The following ADAMTSL1 variants were observed in gnomAD, a reference collection of about 807,000 sequenced individuals.
ADAMTSL1 encodes ADAMTS-like protein 1.
In ADAMTSL1, 126 loss-of-function variants were observed where a neutral mutation model predicts 201.8. The ratio of observed to expected loss-of-function variants is 0.62; its 90% CI spans 0.54 to 0.72. The LOEUF (loss-of-function observed/expected upper bound fraction) is 0.72. Ranked by LOEUF, ADAMTSL1 falls within the 30% of genes least tolerant of loss-of-function variation. The pLI, the probability that ADAMTSL1 is intolerant of heterozygous loss-of-function variation, is 0.00. For synonymous variants in ADAMTSL1, 1,121 were observed against 903.4 expected (o/e 1.24, Z -4.32); for missense variants, 2,679 against 2,277.8 (o/e 1.18, Z -3.59).
intron 2 of ADAMTSL1, among the ~76,000 whole-genome samples, chr9:18,219,348 TTTA>T (rs1377074989): frequency 2.2e-4 from 12 of 53,498 alleles, no homozygotes; most frequent in African/African-American, 1.1e-3. Flanking sequence ...TTTATTTTTA[TTTA>T]TTTATTTATT....
chr9:18,526,863 TA>T (rs1333222752), intron 2 of ADAMTSL1, among the ~76,000 whole-genome samples: 1 of 152,180 alleles, frequency 6.6e-6, no homozygotes, highest in Non-Finnish European at 1.5e-5. Context: ...TGTTCTAATC[TA>T]TGGTCGCTCT....
chr9:18,365,667 A>T (rs931077576), intron 2 of ADAMTSL1, among the ~76,000 whole-genome samples: 11 of 152,156 alleles, frequency 7.2e-5, no homozygotes, highest in Non-Finnish European at 1.0e-4. Context: ...GGAGATCCTA[A>T]AGTGGAAAAG....
intron 1 of ADAMTSL1, among the ~76,000 whole-genome samples, chr9:18,483,707 G>T (rs1437789464): frequency 6.6e-6 from 1 of 152,082 alleles, no homozygotes; most frequent in Admixed American, 6.6e-5. Context: ...GGTGCCTGTA[G>T]TCCCAGCTAC....
At chr9:18,182,534 G>T (rs1281204615) in intron 2 of ADAMTSL1, among the ~76,000 whole-genome samples, 1 of 152,158 alleles carries the variant, frequency 6.6e-6, no homozygotes, top group Non-Finnish European at 1.5e-5. Flanking sequence ...GTTTATATAA[G>T]GAGAAATGCT....
chr9:18,825,538 G>A (rs1448952982), intron 21 of ADAMTSL1, among the ~76,000 whole-genome samples: 1 of 152,074 alleles, frequency 6.6e-6, no homozygotes, highest in African/African-American at 2.4e-5. Flanking sequence ...GCTTCCATTT[G>A]TCTAGTTCAT....
At chr9:18,076,657 C>G (rs1001413349) in intron 1 of ADAMTSL1, among the ~76,000 whole-genome samples, 1 of 152,138 alleles carries the variant, frequency 6.6e-6, no homozygotes, top group Non-Finnish European at 1.5e-5. Context: ...GGGGAATGTA[C>G]AAGCAGCTAA....
intron 2 of ADAMTSL1, among the ~76,000 whole-genome samples, chr9:18,287,575 A>C (rs947930902): frequency 1.3e-5 from 2 of 148,172 alleles, no homozygotes; most frequent in African/African-American, 2.6e-5. Flanking sequence ...ACATATATGT[A>C]AATATATGTG....
chr9:18,409,383 C>CAAAAAAAAAAA (rs781106126), intron 2 of ADAMTSL1, among the ~76,000 whole-genome samples: 91 of 76,862 alleles, frequency 1.2e-3, no homozygotes, highest in Middle Eastern at 7.4e-3. Flanking sequence ...AACTCCGTCT[C>CAAAAAAAAAAA]AAAAAAAAAA....
intron 2 of ADAMTSL1, among the ~76,000 whole-genome samples, chr9:18,183,872 A>T (rs551834691): frequency 1.3e-5 from 2 of 152,190 alleles, no homozygotes; most frequent in African/African-American, 4.8e-5. Flanking sequence ...TTGAATTTGC[A>T]CTGAGAAATT....
chr9:18,738,237 G>A (rs957778030), intron 15 of ADAMTSL1, among the ~76,000 whole-genome samples: 6 of 152,104 alleles, frequency 3.9e-5, no homozygotes, highest in Non-Finnish European at 7.4e-5. Flanking sequence ...GAGAAGTTTT[G>A]CGTTTTCTCT....
intron 20 of ADAMTSL1, among the ~76,000 whole-genome samples, chr9:18,804,992 T>C (rs1823016619): frequency 6.6e-6 from 1 of 152,270 alleles, no homozygotes. Flanking sequence ...TACTCAAATA[T>C]TGCTGTATAC....
intron 2 of ADAMTSL1, among the ~76,000 whole-genome samples, chr9:18,262,615 G>T (rs1011194917): frequency 6.6e-6 from 1 of 152,070 alleles, no homozygotes; most frequent in African/African-American, 2.4e-5. Context: ...GGGAAAAATG[G>T]GATGGTTTGG....
chr9:18,230,232 T>G (rs1003122782), intron 2 of ADAMTSL1, among the ~76,000 whole-genome samples: 1 of 152,194 alleles, frequency 6.6e-6, no homozygotes, highest in Non-Finnish European at 1.5e-5. Flanking sequence ...ACTCATCATA[T>G]GCACACATGC....
intron 1 of ADAMTSL1, among the ~76,000 whole-genome samples, chr9:17,954,591 A>T (rs921943053): frequency 6.6e-6 from 1 of 152,130 alleles, no homozygotes; most frequent in Non-Finnish European, 1.5e-5. Context: ...AGGGGTATGG[A>T]ATTGTGTAAC....
chr9:18,458,967 A>G (rs1820709888), intron 2 of ADAMTSL1, among the ~76,000 whole-genome samples: 1 of 152,206 alleles, frequency 6.6e-6, no homozygotes, highest in Non-Finnish European at 1.5e-5. Flanking sequence ...ATAAGCTGAC[A>G]TATATTAAAC....
chr9:18,863,115 G>A (rs1156917264), intron 23 of ADAMTSL1, among the ~76,000 whole-genome samples: 1 of 152,152 alleles, frequency 6.6e-6, no homozygotes, highest in African/African-American at 2.4e-5. Context: ...CTATCTTACA[G>A]TACAGTCACA....
chr9:17,944,139 T>G (rs746149891), intron 1 of ADAMTSL1, among the ~76,000 whole-genome samples: 1 of 151,414 alleles, frequency 6.6e-6, no homozygotes, highest in Non-Finnish European at 1.5e-5. Context: ...TATATCAGTA[T>G]CCTTTAGAAA....
chr9:18,145,353 C>T (rs1209575045), intron 1 of ADAMTSL1, among the ~76,000 whole-genome samples: 2 of 152,180 alleles, frequency 1.3e-5, no homozygotes, highest in African/African-American at 4.8e-5. Flanking sequence ...ACAGGTTCTA[C>T]ATGTGCTGAT....
At chr9:18,489,369 A>T (rs1002109091) in intron 1 of ADAMTSL1, among the ~76,000 whole-genome samples, 1 of 152,162 alleles carries the variant, frequency 6.6e-6, no homozygotes, top group South Asian at 2.1e-4. Context: ...TGTTAAGTCT[A>T]TATGTGAGAG....
Sources: allele counts gnomAD v4.1 joint callset (sites outside exome capture counted in the v4.1 genomes callset), GRCh38; gene constraint gnomAD v4.1.1; transcripts MANE v1.5; gene names NCBI Gene and HGNC (gene_info 2026-07-23, HGNC 2026-07-21).